TAF4: variants seen among roughly 807,000 people sequenced by gnomAD.
TAF4 encodes the protein TATA-box binding protein associated factor 4, also known as transcription initiation factor TFIID subunit 4.
TAF4 carries 9 observed loss-of-function variants against 90.3 expected under a neutral mutation model. That is an observed-to-expected ratio of 0.10 (90% CI 0.06 to 0.17). The LOEUF is 0.17. Ranked by LOEUF, TAF4 falls within the 10% of genes least tolerant of loss-of-function variation. The pLI is 1.00. For synonymous variants in TAF4, 818 were observed against 638.9 expected (o/e 1.28, Z -4.23); for missense variants, 1,351 against 1,370.7 (o/e 0.99, Z 0.23).
In TAF4 at chr20:62,000,753, G is replaced by A. The variant is rs749012242; in HGVS notation, c.2487-32C>T. The A allele has an allele frequency of 1.9e-6, 3 of 1,610,678 alleles. No individual in the cohort carries two copies. The South Asian group carries it at 3.3e-5, about 18-fold the overall frequency. On this transcript the variant is annotated intron_variant, in intron 9 of 14. Coordinates refer to ENST00000252996, the MANE Select transcript of TAF4 (RefSeq NM_003185.4). ...GAAAGAAGGGAAGATCACTTTAACT[G>A]TACAAGGAATTCATCGGGAGGTGGG...
chr20:61,992,759 A>G (rs971340238), intron 14 of TAF4, among the ~76,000 whole-genome samples: 3 of 152,252 alleles, frequency 2.0e-5, no homozygotes, highest in Non-Finnish European at 4.4e-5. Flanking sequence ...CTGAAACAGG[A>G]AAGGTGTAAG....
intron 1 of TAF4, among the ~76,000 whole-genome samples, chr20:62,052,958 G>A (rs2056038217): frequency 6.7e-6 from 1 of 149,258 alleles, no homozygotes; most frequent in Admixed American, 6.6e-5. Context: ...CATACCCCAT[G>A]ACATCAGGTC....
Position 62,000,670 on chromosome 20 carries a change from T to G in TAF4, c.2538A>C (p.Ser846=). Reference sequence around the variant, plus strand: ...TGGCTAATATTCTTGCACTTTCTTCTGACAAGTTTACTCCAGCCATCGATG... The same window carrying G: ...TGGCTAATATTCTTGCACTTTCTTCGGACAAGTTTACTCCAGCCATCGATG... ...DVASMAGVNL[S]EESARILATN... The change falls in exon 10 of 15, where the codon TCA becomes TCC. Residue 846 remains serine (S), a synonymous_variant. Coordinates refer to ENST00000252996, the MANE Select transcript of TAF4 (RefSeq NM_003185.4). 1.2e-6 allele frequency: 2 copies of G among 1,614,272 alleles called. No homozygotes were observed. The highest frequency in any genetic ancestry group is 1.7e-6 in the Non-Finnish European group (2 of 1,180,046).
chr20:62,050,481 G>A (rs150557213), intron 1 of TAF4, among the ~76,000 whole-genome samples: 390 of 151,432 alleles, frequency 2.6e-3, no homozygotes, highest in African/African-American at 8.7e-3. Context: ...GCCCCCACCC[G>A]CTGAGAGCAG....
In TAF4 at chr20:62,065,129, G is replaced by T; in HGVS notation, c.682C>A (p.Leu228Met). The change falls in exon 1 of 15, where the codon CTG becomes ATG. Residue 228 changes from leucine (L) to methionine (M), a missense_variant. Leu to Met is a conservative substitution (Grantham distance 15). This residue lies in a region of TAF4 where 782 missense variants were observed against 536.6 expected (regional missense o/e 1.46). Transcript: ENST00000252996. ...VNNGPAALLP[L>M]PKPAAPGTVI... ...GTGCCGGGGGCGGCGGGCTTGGGCA[G>T]CGGCAGCAGCGCGGCGGGCCCGTTG... The T allele has an allele frequency of 8.6e-7, 1 of 1,168,628 alleles. No individual in the cohort carries two copies. Among genetic ancestry groups the T allele is most frequent in the East Asian group, 9.0e-5 (1 of 11,160 alleles). The allele number at this position is 1,168,628 out of a possible 1,614,324, so 72.4% of individuals were successfully genotyped here. A position where few individuals can be genotyped will look rare whatever the true frequency, so the allele number is the denominator to read the frequency against.
intron 1 of TAF4, among the ~76,000 whole-genome samples, chr20:62,028,967 C>G (rs1163967630): frequency 1.3e-5 from 2 of 152,136 alleles, no homozygotes; most frequent in African/African-American, 2.4e-5. Flanking sequence ...GAGGCCAAGG[C>G]AGGCGGATCA....
At chr20:62,000,867 A>C (rs2055696075) in intron 9 of TAF4, 146 bp from the exon 10 acceptor site, 2 of 778,788 alleles carry the variant, frequency 2.6e-6, no homozygotes, top group Admixed American at 2.7e-5. Context: ...CACCTGCTGC[A>C]TCTGCCACAG....
chr20:62,010,165 G>A lies in TAF4; in HGVS notation c.1642C>T (p.Pro548Ser), dbSNP rs372153568. ...ATLQRSPGVQPQLVLGGAAQT... is the reference protein window; with the variant it reads ...ATLQRSPGVQSQLVLGGAAQT... Reference sequence around the variant, plus strand: ...GCAGCGCCACCCAGAACGAGCTGAGGCTACAAGAATCCAAAAACACAAGGT... The same window carrying A: ...GCAGCGCCACCCAGAACGAGCTGAGACTACAAGAATCCAAAAACACAAGGT... The change falls in exon 4 of 15, where the codon CCT becomes TCT. Residue 548 changes from proline to serine, a missense_variant and splice_region_variant. Around this residue, in one of 9 missense-constraint regions of TAF4, gnomAD observed 143 missense variants for 176.3 expected, o/e 0.81. Transcript: ENST00000252996. This position sits in a 1 kb window ranked among gnomAD's most constrained non-coding sequence, Gnocchi z 4.5. 14 of 1,613,750 alleles carry A rather than the reference G, an allele frequency of 8.7e-6. No individual in the cohort carries two copies. In the South Asian group the frequency reaches 1.4e-4, roughly 16 times the overall value.
In TAF4 at chr20:62,039,167, G is replaced by A. The variant is rs376611018; in HGVS notation, c.1361-24460C>T. On this transcript the variant is annotated intron_variant, in intron 1 of 14. Coordinates refer to ENST00000252996, the MANE Select transcript of TAF4 (RefSeq NM_003185.4). ...GACCAGAACAGCCCTCAACGTTTTC[G>A]AAAAAGCAGCACTGGAGGACTCCTG... 2.3e-4 allele frequency among the ~76,000 whole-genome samples: 35 copies of A among 152,242 alleles called. No homozygotes were observed. In the East Asian group the frequency reaches 3.3e-3, roughly 14 times the overall value.
At position 61,995,848 on chromosome 20, in the gene TAF4, C is replaced by T. The variant is rs2055659774; in HGVS notation, c.3090+1702G>A. On this transcript the variant is annotated intron_variant, in intron 14 of 14. Transcript: ENST00000252996. ...ACTGCAGTCCGCAGTCCGGCCTGGG[C>T]GACAGAGCGAGACTCCGTCTCAAAA... Among the ~76,000 whole-genome samples the T allele has an allele frequency of 2.5e-4, 3 of 11,936 alleles. 1 individual carries two copies. Among genetic ancestry groups the T allele is most frequent in the South Asian group, 1.5e-3 (1 of 682 alleles). 7.8% of individuals were successfully genotyped at this position (11,936 alleles called of 152,430 possible).
intron 1 of TAF4, among the ~76,000 whole-genome samples, chr20:62,055,121 A>G (rs543985267): frequency 6.6e-6 from 1 of 152,286 alleles, no homozygotes; most frequent in South Asian, 2.1e-4. Context: ...CCACTGAGGC[A>G]CTTGGAATCA....
At chr20:62,027,802 A>G (rs567208917) in intron 1 of TAF4, among the ~76,000 whole-genome samples, 25 of 152,312 alleles carry the variant, frequency 1.6e-4, no homozygotes, top group African/African-American at 6.0e-4. Flanking sequence ...TCAACACACA[A>G]CGGAGGGCAC....
At chr20:62,031,506 G>A (rs1246087598) in intron 1 of TAF4, among the ~76,000 whole-genome samples, 2 of 152,176 alleles carry the variant, frequency 1.3e-5, no homozygotes, top group Admixed American at 6.5e-5. Flanking sequence ...TCTTTCATCT[G>A]CAGATTCTGA....
At chr20:61,987,157 G>A (rs572466256) in intron 14 of TAF4, among the ~76,000 whole-genome samples, 29 of 152,266 alleles carry the variant, frequency 1.9e-4, no homozygotes, top group African/African-American at 6.7e-4. Context: ...GCCGGCCCGC[G>A]GCATTCTAAC....
chr20:62,034,694 CTACACA>C (rs200837931), intron 1 of TAF4, among the ~76,000 whole-genome samples: 1 of 152,038 alleles, frequency 6.6e-6, no homozygotes, highest in East Asian at 1.9e-4. Context: ...CTGGAATGCC[CTACACA>C]TATCTAACAA....
intron 14 of TAF4, among the ~76,000 whole-genome samples, chr20:61,981,794 G>T (rs964028412): frequency 4.8e-4 from 61 of 126,056 alleles, no homozygotes; most frequent in South Asian, 8.0e-4. Context: ...ACCCACCCGA[G>T]AGGAGACACC....
chr20:61,975,889 AACGATTCCATCAGTCTTT>A lies in TAF4; in HGVS notation c.*261_*278del, dbSNP rs1322958284. Reference sequence around the variant, plus strand: ...GACAGAGGGCAGCTAATTATTTGCTAACGATTCCATCAGTCTTTATATATGGCTTGTTTGGCAGGAAGG... The same window carrying A: ...GACAGAGGGCAGCTAATTATTTGCTAATATATGGCTTGTTTGGCAGGAAGG... On this transcript the variant is annotated 3_prime_UTR_variant, in exon 15 of 15. Transcript: ENST00000252996. The A allele has an allele frequency of 2.5e-6, 1 of 407,078 alleles. No individual in the cohort carries two copies. The highest frequency in any genetic ancestry group is 4.4e-6 in the Non-Finnish European group (1 of 225,474). The allele number at this position is 407,078 out of a possible 1,614,324, so 25.2% of individuals were successfully genotyped here.
chr20:61,991,804 G>A (rs1470260372), intron 14 of TAF4, among the ~76,000 whole-genome samples: 3 of 152,082 alleles, frequency 2.0e-5, no homozygotes, highest in Admixed American at 6.5e-5. Flanking sequence ...AGCCAGTACT[G>A]AGAACACCAC....
chr20:62,012,787 T>C, intron 3 of TAF4, 28 bp downstream of exon 3: 1 of 1,597,200 alleles, frequency 6.3e-7, no homozygotes, highest in Non-Finnish European at 8.5e-7. Context: ...CCCTGCAGCC[T>C]CAAGAGATCC....
Sources: allele counts gnomAD v4.1 joint callset (sites outside exome capture counted in the v4.1 genomes callset), GRCh38; gene constraint gnomAD v4.1.1; regional missense constraint gnomAD v4.1.1; non-coding constraint Gnocchi (gnomAD v3.1); transcripts MANE v1.5; gene names NCBI Gene and HGNC (gene_info 2026-07-23, HGNC 2026-07-21).